CSMD2: variants seen among roughly 807,000 people sequenced by gnomAD.
The protein encoded by CSMD2 is CUB and Sushi multiple domains 2, also known as CUB and sushi domain-containing protein 2.
CSMD2 carries 130 observed loss-of-function variants against 398.5 expected under a neutral mutation model. The ratio of observed to expected loss-of-function variants is 0.33; its 90% CI spans 0.28 to 0.38. The LOEUF (loss-of-function observed/expected upper bound fraction) is 0.38. CSMD2 is among the 10% of genes least tolerant of loss of function. The pLI is 1.00. For missense variants in CSMD2, 3,829 were observed against 4,764.9 expected (o/e 0.80, Z 5.78); for synonymous variants, 1,828 against 1,908.5 (o/e 0.96, Z 1.10).
chr1:33,583,706 G>T lies in CSMD2; in HGVS notation c.7176C>A (p.Asn2392Lys). 6.2e-7 allele frequency: 1 copy of T among 1,614,190 alleles called. No individual in the cohort carries two copies. Among genetic ancestry groups the T allele is most frequent in the South Asian group, 1.1e-5 (1 of 91,082 alleles). Residue 2392 changes from asparagine to lysine, a missense_variant, in exon 47 of 71, where the codon AAC becomes AAA. This residue lies in a region of CSMD2 where 723 missense variants were observed against 758.6 expected (regional missense o/e 0.95). Coordinates refer to ENST00000373381, the MANE Select transcript of CSMD2 (RefSeq NM_001281956.2). ...SWLVRVEPDY[N>K]ISLTVEYFLS... Reference sequence around the variant, plus strand: ...GGAAGTACTCCACTGTGAGGGAGATGTTATAGTCGGGCTCCACTCTCACCA... The same window carrying T: ...GGAAGTACTCCACTGTGAGGGAGATTTTATAGTCGGGCTCCACTCTCACCA...
rs1321184351 is a variant in CSMD2 at position 33,542,743 on chromosome 1, G to A, written c.9254C>T (p.Thr3085Ile). ...ACCGAGGCACTCAGGGTCACTGCCTGTCCAGGTACCATTGACCGAGCAGTG... is the reference window on the plus strand; with the variant it reads ...ACCGAGGCACTCAGGGTCACTGCCTATCCAGGTACCATTGACCGAGCAGTG... ...SRHCSVNGTWTGSDPECLVIN... is the reference protein window; with the variant it reads ...SRHCSVNGTWIGSDPECLVIN... Residue 3085 changes from threonine to isoleucine, a missense_variant, in exon 58 of 71, where the codon ACA (threonine) becomes ATA (isoleucine). Physicochemically the swap from Thr to Ile is moderately conservative, Grantham distance 89 (BLOSUM62 -1). Coordinates refer to ENST00000373381, the MANE Select transcript of CSMD2 (RefSeq NM_001281956.2). 7 of 1,613,846 alleles carry A rather than the reference G, an allele frequency of 4.3e-6. No homozygotes were observed. Among genetic ancestry groups the A allele is most frequent in the Admixed American group, 1.7e-5 (1 of 59,986 alleles).
At chr1:33,808,062 C>T (rs918551005) in intron 10 of CSMD2, among the ~76,000 whole-genome samples, 9 of 151,956 alleles carry the variant, frequency 5.9e-5, no homozygotes, top group Non-Finnish European at 1.2e-4. Flanking sequence ...TTCAATTTAC[C>T]AGGAAGATAT....
At chr1:34,053,767 A>T (rs1653497794) in intron 2 of CSMD2, among the ~76,000 whole-genome samples, 1 of 152,198 alleles carries the variant, frequency 6.6e-6, no homozygotes, top group African/African-American at 2.4e-5. Context: ...GGAAAGCAGG[A>T]AAATACAACA....
At chr1:33,790,860 C>CTA (rs1215654378) in intron 11 of CSMD2, among the ~76,000 whole-genome samples, 1 of 150,398 alleles carries the variant, frequency 6.6e-6, no homozygotes, top group Non-Finnish European at 1.5e-5. Flanking sequence ...ATCTATCTAT[C>CTA]TCTATCTCCT....
intron 25 of CSMD2, among the ~76,000 whole-genome samples, chr1:33,685,529 T>C (rs1645037349): frequency 6.6e-6 from 1 of 152,328 alleles, no homozygotes; most frequent in African/African-American, 2.4e-5. Context: ...CTTATTATAC[T>C]GAGAAATCCA....
intron 22 of CSMD2, among the ~76,000 whole-genome samples, chr1:33,707,169 C>T (rs940388794): frequency 6.6e-6 from 1 of 152,216 alleles, no homozygotes; most frequent in African/African-American, 2.4e-5. Flanking sequence ...TGGCCATACT[C>T]CATATGACCT....
intron 12 of CSMD2, among the ~76,000 whole-genome samples, chr1:33,778,671 T>C (rs1360833544): frequency 1.3e-5 from 2 of 152,178 alleles, no homozygotes; most frequent in East Asian, 1.9e-4. Flanking sequence ...ACTAAAGGTA[T>C]AGCATTGCCT....
chr1:33,858,392 C>A (rs1221050295), intron 5 of CSMD2, among the ~76,000 whole-genome samples: 1 of 152,170 alleles, frequency 6.6e-6, no homozygotes, highest in Admixed American at 6.5e-5. Flanking sequence ...CTTCCTTACC[C>A]TAGCCCCAGC....
intron 41 of CSMD2, among the ~76,000 whole-genome samples, chr1:33,606,690 C>A (rs1310266498): frequency 1.3e-5 from 2 of 152,190 alleles, no homozygotes; most frequent in Non-Finnish European, 2.9e-5. Context: ...CTCAGGGTAG[C>A]CACGTGGACT....
chr1:33,569,815 A>AT (rs1182224262), intron 51 of CSMD2, among the ~76,000 whole-genome samples: 1 of 152,024 alleles, frequency 6.6e-6, no homozygotes, highest in African/African-American at 2.4e-5. Flanking sequence ...TGGCCTGTGT[A>AT]TTTTTTTAAT....
Position 33,683,854 on chromosome 1 carries a change from T to C in CSMD2, c.4052+9076A>G, listed in dbSNP as rs532720296. On this transcript the variant is annotated intron_variant, in intron 25 of 70. Transcript: ENST00000373381. ...ATACCCCACTGTGTGTGTGCTTCTCTGTTCAGTTCCTTTAGGAGATCAGCT... is the reference window on the plus strand; with the variant it reads ...ATACCCCACTGTGTGTGTGCTTCTCCGTTCAGTTCCTTTAGGAGATCAGCT... Among the ~76,000 whole-genome samples the C allele has an allele frequency of 2.0e-5, 3 of 152,378 alleles. No homozygotes were observed. The East Asian group carries it at 5.8e-4, about 29-fold the overall frequency.
chr1:34,053,211 T>C (rs1191511375), intron 2 of CSMD2, among the ~76,000 whole-genome samples: 1 of 152,178 alleles, frequency 6.6e-6, no homozygotes. Context: ...AGCAAGTTCA[T>C]GGGCATTTGT....
At chr1:33,776,199 T>C (rs1651939704) in intron 12 of CSMD2, among the ~76,000 whole-genome samples, 1 of 152,026 alleles carries the variant, frequency 6.6e-6, no homozygotes, top group Admixed American at 6.6e-5. Context: ...AAAGATGTAT[T>C]GAATGGTTAG....
intron 3 of CSMD2, among the ~76,000 whole-genome samples, chr1:33,960,321 G>C (rs1165278088): frequency 6.6e-6 from 1 of 152,310 alleles, no homozygotes; most frequent in East Asian, 1.9e-4. Flanking sequence ...TCTCACATCT[G>C]CTCTGCCCCT....
intron 2 of CSMD2, among the ~76,000 whole-genome samples, chr1:34,034,285 A>G (rs913670338): frequency 6.6e-6 from 1 of 152,024 alleles, no homozygotes; most frequent in Admixed American, 6.6e-5. Flanking sequence ...TAGGTAAATG[A>G]TCAATCGCGA....
intron 9 of CSMD2, among the ~76,000 whole-genome samples, chr1:33,817,923 T>C (rs1460458593): frequency 6.6e-6 from 1 of 152,196 alleles, no homozygotes; most frequent in Non-Finnish European, 1.5e-5. Context: ...TTAGTTACAA[T>C]GCAGCAGAGA....
At chr1:34,165,339 T>G (rs1254593432), upstream of CSMD2, 3 of 1,189,592 alleles carry the variant, frequency 2.5e-6, no homozygotes, top group Non-Finnish European at 3.1e-6. Flanking sequence ...GGGTGAATTA[T>G]CCCCGGATTA....
intron 19 of CSMD2, among the ~76,000 whole-genome samples, chr1:33,717,533 C>G (rs1646213900): frequency 6.6e-6 from 1 of 151,724 alleles, no homozygotes; most frequent in Admixed American, 6.6e-5. Flanking sequence ...GAAGGGCACG[C>G]AGGAGGAAGG....
At chr1:34,060,636 G>T (rs1654381448) in intron 2 of CSMD2, among the ~76,000 whole-genome samples, 1 of 145,448 alleles carries the variant, frequency 6.9e-6, no homozygotes, top group South Asian at 2.1e-4. Context: ...TGCAAGTCAT[G>T]GGGTTCCCTG....
Sources: allele counts gnomAD v4.1 joint callset (sites outside exome capture counted in the v4.1 genomes callset), GRCh38; gene constraint gnomAD v4.1.1; regional missense constraint gnomAD v4.1.1; transcripts MANE v1.5; gene names NCBI Gene and HGNC (gene_info 2026-07-23, HGNC 2026-07-21).